Variants in DIAPH2 observed in about 807,000 individuals in gnomAD.
DIAPH2 encodes diaphanous related formin 2.
In DIAPH2, 35 loss-of-function variants were observed where a neutral mutation model predicts 92.7. That is an observed-to-expected ratio of 0.38 (90% CI 0.29 to 0.50). The LOEUF is 0.50. Among genes scored for constraint, DIAPH2 ranks in the 20% least tolerant of loss-of-function variants. DIAPH2 has a pLI of 0.94. For synonymous variants in DIAPH2, 301 were observed against 280.4 expected (o/e 1.07, Z -0.73); for missense variants, 701 against 819.5 (o/e 0.86, Z 1.77).
At chrX:96,802,809 C>T (rs1056120836) in intron 4 of DIAPH2, among the ~76,000 whole-genome samples, 1 of 111,471 alleles carries the variant, frequency 9.0e-6, no homozygotes. Context: ...GGAAGCCAGT[C>T]GGAGTCCCAA....
At chrX:97,543,352 C>T (rs745823940) in intron 26 of DIAPH2, among the ~76,000 whole-genome samples, 1 of 111,612 alleles carries the variant, frequency 9.0e-6, no homozygotes, top group Admixed American at 9.5e-5. Flanking sequence ...GTTCACAAGG[C>T]CAGCCCAGGT....
chrX:97,281,825 G>A (rs920783042), intron 23 of DIAPH2, among the ~76,000 whole-genome samples: 1 of 110,927 alleles, frequency 9.0e-6, no homozygotes, highest in African/African-American at 3.3e-5. Context: ...GTTCATTAAA[G>A]TCTGGGGAAA....
In DIAPH2 at chrX:96,860,227, T is replaced by C. The variant is rs771673952; in HGVS notation, c.448-21352T>C. Among the ~76,000 whole-genome samples, 10 of 111,723 alleles carry C rather than the reference T, an allele frequency of 9.0e-5. 1 individual carries two copies. ...TAGAATGCTGTAAAATATAAAACAC[T>C]CAGAAAAATACCTGCAAGTTTATTA... On this transcript the variant is annotated intron_variant, in intron 4 of 26. Coordinates refer to ENST00000324765, the MANE Select transcript of DIAPH2 (RefSeq NM_006729.5).
chrX:96,702,996 G>A (rs766970767), intron 1 of DIAPH2, among the ~76,000 whole-genome samples: 9 of 111,564 alleles, frequency 8.1e-5, no homozygotes, highest in African/African-American at 2.6e-4. Flanking sequence ...CAGTTTCACG[G>A]TATACATTTT....
intron 26 of DIAPH2, among the ~76,000 whole-genome samples, chrX:97,534,199 C>G (rs1016906972): frequency 2.7e-5 from 3 of 111,206 alleles, no homozygotes; most frequent in Non-Finnish European, 5.7e-5. Flanking sequence ...ACTTTTCAGC[C>G]TTTGCTTTTC....
intron 12 of DIAPH2, 130 bp from the exon 13 acceptor site, chrX:96,941,888 A>G: frequency 2.2e-6 from 1 of 452,419 alleles, no homozygotes; most frequent in Admixed American, 3.3e-5. Context: ...AAGAAAGTGT[A>G]GTGGCTGCAG....
At chrX:97,285,166 T>C (rs759395928) in intron 23 of DIAPH2, among the ~76,000 whole-genome samples, 1 of 111,052 alleles carries the variant, frequency 9.0e-6, no homozygotes, top group African/African-American at 3.3e-5. Flanking sequence ...TTTGAATGAA[T>C]TATTCCCCTT....
intron 4 of DIAPH2, among the ~76,000 whole-genome samples, chrX:96,839,524 C>T (rs1301720584): frequency 9.0e-6 from 1 of 111,413 alleles, no homozygotes; most frequent in Admixed American, 9.6e-5. Context: ...AATTTACAGA[C>T]ACTTAATTTT....
intron 26 of DIAPH2, among the ~76,000 whole-genome samples, chrX:97,532,914 G>A (rs756445157): frequency 8.1e-4 from 91 of 111,822 alleles, no homozygotes; most frequent in African/African-American, 2.4e-3. Context: ...GGTTTTGCCC[G>A]CTCTGTTTAA....
chrX:96,765,193 GTTTTT>G (rs142407154), intron 4 of DIAPH2, among the ~76,000 whole-genome samples: 4 of 83,278 alleles, frequency 4.8e-5, no homozygotes, highest in South Asian at 6.6e-4. Context: ...ATATTCACAT[GTTTTT>G]TTTTTTTTTT....
intron 22 of DIAPH2, among the ~76,000 whole-genome samples, chrX:97,158,471 T>C (rs759957274): frequency 2.7e-5 from 3 of 112,013 alleles, no homozygotes; most frequent in Non-Finnish European, 5.6e-5. Context: ...GCTATCGAAA[T>C]GTGCAGTGTG....
intron 22 of DIAPH2, among the ~76,000 whole-genome samples, chrX:97,234,488 A>G (rs1413255222): frequency 9.0e-6 from 1 of 111,421 alleles, no homozygotes; most frequent in Non-Finnish European, 1.9e-5. Flanking sequence ...TTGTTAATCT[A>G]GAACATGGAT....
chrX:97,584,138 G>A (rs868492365), intron 26 of DIAPH2, among the ~76,000 whole-genome samples: 154 of 112,269 alleles, frequency 1.4e-3, no homozygotes, highest in African/African-American at 4.5e-3. Flanking sequence ...TGTGTTCTGC[G>A]TCGCTCAGGC....
At chrX:96,775,391 G>GTGTGTGTGTA (rs1282545608) in intron 4 of DIAPH2, among the ~76,000 whole-genome samples, 3 of 101,399 alleles carry the variant, frequency 3.0e-5, no homozygotes, top group Non-Finnish European at 6.1e-5. Context: ...GTGTGTGTGT[G>GTGTGTGTGTA]TATACTTCCT....
At position 97,323,903 on chromosome X, in the gene DIAPH2, C is replaced by CAA. The variant is rs1052365967; in HGVS notation, c.2845-24192_2845-24191dup. 4.8e-3 allele frequency among the ~76,000 whole-genome samples: 186 copies of CAA among 38,815 alleles called. 2 individuals carry two copies. Among genetic ancestry groups the CAA allele is most frequent in the African/African-American group, 0.012 (133 of 11,377 alleles). 33.7% of individuals were successfully genotyped at this position (38,815 alleles called of 115,157 possible). A position where few individuals can be genotyped will look rare whatever the true frequency, so the allele number is the denominator to read the frequency against. ...GGGCAACAGGAGCGAAACTCTGTCT[C>CAA]AAAAAAAAAAAAAAAAAAAAAATAA... On this transcript the variant is annotated intron_variant, in intron 23 of 26. Transcript: ENST00000324765.
intron 17 of DIAPH2, among the ~76,000 whole-genome samples, chrX:96,994,715 G>C (rs2066093598): frequency 9.0e-6 from 1 of 111,274 alleles, no homozygotes; most frequent in African/African-American, 3.3e-5. Flanking sequence ...AGGTGAAGGG[G>C]AAGCAAGGCA....
At chrX:96,869,264 A>C (rs1278956970) in intron 4 of DIAPH2, among the ~76,000 whole-genome samples, 1 of 110,491 alleles carries the variant, frequency 9.1e-6, no homozygotes, top group African/African-American at 3.3e-5. Flanking sequence ...GACCCCTGTG[A>C]AAATAATAGT....
chrX:97,475,371 C>T (rs754892205), intron 26 of DIAPH2, among the ~76,000 whole-genome samples: 17 of 111,830 alleles, frequency 1.5e-4, no homozygotes, highest in Non-Finnish European at 3.0e-4. Flanking sequence ...GAGAAAATGC[C>T]CCAAACATAG....
intron 26 of DIAPH2, among the ~76,000 whole-genome samples, chrX:97,442,457 G>A (rs924471479): frequency 1.8e-5 from 2 of 112,553 alleles, no homozygotes; most frequent in Admixed American, 9.4e-5. Flanking sequence ...GTTGTCATAA[G>A]TACCTTAAAA....
Sources: gnomAD v4.1 joint callset for allele counts (sites outside exome capture counted in the v4.1 genomes callset) on GRCh38, gnomAD v4.1.1 for gene constraint, MANE v1.5 for transcripts, NCBI Gene and HGNC (gene_info 2026-07-23, HGNC 2026-07-21) for gene names.